The following LSAMP variants were observed in gnomAD, a reference collection of about 807,000 sequenced individuals.
LSAMP encodes limbic system associated membrane protein.
A neutral mutation model predicts 38.6 loss-of-function variants in LSAMP; 7 were observed. The observed-to-expected ratio is 0.18, with a 90% CI of 0.10 to 0.34. The LOEUF (loss-of-function observed/expected upper bound fraction) is 0.34, where lower values mean the gene tolerates loss of function less well. LSAMP is among the 10% of genes least tolerant of loss of function. LSAMP has a pLI of 1.00. For synonymous variants in LSAMP, 154 were observed against 166.8 expected, an observed-to-expected ratio of 0.92 and a Z score of 0.59; for missense variants, 313 against 420.0, an observed-to-expected ratio of 0.75 and a Z score of 2.23.
chr3:116,373,231 A>G (rs1054641291), intron 1 of LSAMP, among the ~76,000 whole-genome samples: 2 of 151,524 alleles, frequency 1.3e-5, no homozygotes, highest in African/African-American at 4.8e-5. Flanking sequence ...ATATATATAT[A>G]TGCACACACA....
At chr3:116,323,752 T>C (rs974741250) in intron 1 of LSAMP, among the ~76,000 whole-genome samples, 2 of 152,132 alleles carry the variant, frequency 1.3e-5, no homozygotes, top group East Asian at 3.9e-4. Context: ...CCTCTAATCA[T>C]GGCCCTCAAA....
At chr3:116,203,404 A>AT (rs1193912843) in intron 1 of LSAMP, among the ~76,000 whole-genome samples, 3 of 149,634 alleles carry the variant, frequency 2.0e-5, no homozygotes, top group South Asian at 2.1e-4. Flanking sequence ...TTTATTTTTT[A>AT]TTTTTTTATT....
intron 2 of LSAMP, among the ~76,000 whole-genome samples, chr3:116,068,817 GAAAC>G (rs1707525038): frequency 6.6e-6 from 1 of 152,174 alleles, no homozygotes; most frequent in Non-Finnish European, 1.5e-5. Context: ...GTTTCAAAGA[GAAAC>G]AATGCACATT....
At chr3:116,278,606 A>ACTT (rs920696566) in intron 1 of LSAMP, among the ~76,000 whole-genome samples, 1 of 152,210 alleles carries the variant, frequency 6.6e-6, no homozygotes, top group African/African-American at 2.4e-5. Flanking sequence ...ACTGAAAGTT[A>ACTT]CTTCCATTGT....
rs183571168 is a variant in LSAMP, at chr3:116,329,003, T to C, written c.155+115874A>G. Reference sequence around the variant, plus strand: ...TGTCATTAAGATGGGTTTATAATTATAAATAATGTAAAACTTTACACAACT... The same window carrying C: ...TGTCATTAAGATGGGTTTATAATTACAAATAATGTAAAACTTTACACAACT... On this transcript the variant is annotated intron_variant, in intron 1 of 6. Coordinates refer to ENST00000490035, the MANE Select transcript of LSAMP (RefSeq NM_002338.5). 3.3e-3 allele frequency among the ~76,000 whole-genome samples: 509 copies of C among 152,254 alleles called. 5 individuals carry two copies. The highest frequency in any genetic ancestry group is 7.5e-3 in the Admixed American group (115 of 15,286).
intron 1 of LSAMP, among the ~76,000 whole-genome samples, chr3:116,090,977 G>C (rs988171063): frequency 1.3e-5 from 2 of 152,050 alleles, no homozygotes. Flanking sequence ...GAGATCAACC[G>C]TCTGACCAAA....
At chr3:115,887,935 T>C (rs537657595) in intron 3 of LSAMP, among the ~76,000 whole-genome samples, 1 of 152,026 alleles carries the variant, frequency 6.6e-6, no homozygotes, top group South Asian at 2.1e-4. Flanking sequence ...TACCATTAAA[T>C]ATAAAATCAA....
At chr3:116,225,899 C>A (rs912661378) in intron 1 of LSAMP, among the ~76,000 whole-genome samples, 2 of 152,032 alleles carry the variant, frequency 1.3e-5, no homozygotes, top group Non-Finnish European at 2.9e-5. Context: ...AATCATCTTC[C>A]AACATCTAAA....
At chr3:116,172,921 C>T (rs530343944) in intron 1 of LSAMP, among the ~76,000 whole-genome samples, 79 of 151,870 alleles carry the variant, frequency 5.2e-4, no homozygotes, top group Non-Finnish European at 9.6e-4. Flanking sequence ...ACAATGGCTA[C>T]TGGGAAAGAG....
intron 1 of LSAMP, among the ~76,000 whole-genome samples, chr3:116,319,834 A>G (rs2047683820): frequency 6.6e-6 from 1 of 150,548 alleles, no homozygotes; most frequent in Admixed American, 6.6e-5. Context: ...TGGAAAGTTT[A>G]GCTCAAAGCA....
At chr3:116,402,976 C>T (rs906121752) in intron 1 of LSAMP, among the ~76,000 whole-genome samples, 1 of 152,120 alleles carries the variant, frequency 6.6e-6, no homozygotes, top group Admixed American at 6.6e-5. Context: ...CTGCCAAATT[C>T]CCTAGGTTTC....
intron 1 of LSAMP, among the ~76,000 whole-genome samples, chr3:116,404,121 A>C (rs528910639): frequency 1.3e-5 from 2 of 152,268 alleles, no homozygotes; most frequent in South Asian, 4.1e-4. Flanking sequence ...CAGAAAATAA[A>C]AACAAATCAT....
intron 1 of LSAMP, among the ~76,000 whole-genome samples, chr3:116,198,815 T>A (rs1489520400): frequency 6.8e-6 from 1 of 147,242 alleles, no homozygotes; most frequent in Admixed American, 6.8e-5. Flanking sequence ...CAGCGGCTCA[T>A]GCCTGTAATC....
intron 1 of LSAMP, among the ~76,000 whole-genome samples, chr3:116,125,230 C>T (rs1446540101): frequency 6.6e-6 from 1 of 152,270 alleles, no homozygotes; most frequent in African/African-American, 2.4e-5. Flanking sequence ...TTAACAAGAA[C>T]AAAATAAGAC....
chr3:116,100,257 T>C lies in LSAMP; in HGVS notation c.156-13701A>G, dbSNP rs78752225. 3.2e-3 allele frequency among the ~76,000 whole-genome samples: 480 copies of C among 152,026 alleles called. 5 individuals carry two copies. Among genetic ancestry groups the C allele is most frequent in the African/African-American group, 0.011 (449 of 41,468 alleles). On this transcript the variant is annotated intron_variant, in intron 1 of 6. Transcript: ENST00000490035. Reference sequence around the variant, plus strand: ...CCACCACACCTGGCTAATTTTTGCATTTTTAGGAGACACGGTTTCAACATG... The same window carrying C: ...CCACCACACCTGGCTAATTTTTGCACTTTTAGGAGACACGGTTTCAACATG...
chr3:116,354,741 G>GTTTT (rs1358177650), intron 1 of LSAMP, among the ~76,000 whole-genome samples: 3 of 152,014 alleles, frequency 2.0e-5, no homozygotes, highest in Admixed American at 6.6e-5. Context: ...TAGACACTGG[G>GTTTT]GTATCATCAA....
In LSAMP at chr3:115,953,404, T is replaced by TACACACACACACACACACAC. The variant is rs71616336; in HGVS notation, c.514+66091_514+66110dup. ...GGGATGAAACAAAATGTAGTGTGCGTACACACACACACACACACACACACA... is the reference window on the plus strand; with the variant it reads ...GGGATGAAACAAAATGTAGTGTGCGTACACACACACACACACACACACACACACACACACACACACACACA... On this transcript the variant is annotated intron_variant, in intron 3 of 6. Transcript: ENST00000490035. Among the ~76,000 whole-genome samples the TACACACACACACACACACAC allele has an allele frequency of 9.2e-3, 1,324 of 143,648 alleles. 7 individuals are homozygous for TACACACACACACACACACAC. The highest frequency in any genetic ancestry group is 0.015 in the East Asian group (68 of 4,514). The allele number at this position is 143,648 out of a possible 152,430, so 94.2% of individuals were successfully genotyped here.
intron 6 of LSAMP, among the ~76,000 whole-genome samples, chr3:115,833,891 G>A (rs1053987854): frequency 1.3e-5 from 2 of 152,040 alleles, no homozygotes; most frequent in Admixed American, 6.6e-5. Context: ...ATAGCCTTAA[G>A]CTAGAAAGTT....
intron 6 of LSAMP, among the ~76,000 whole-genome samples, chr3:115,840,174 C>T (rs1934950754): frequency 6.6e-6 from 1 of 152,110 alleles, no homozygotes; most frequent in South Asian, 2.1e-4. Flanking sequence ...AGAAAATATA[C>T]TTTAATGCAA....
Sources: gnomAD v4.1 joint callset for allele counts (sites outside exome capture counted in the v4.1 genomes callset) on GRCh38, gnomAD v4.1.1 for gene constraint, MANE v1.5 for transcripts, NCBI Gene and HGNC (gene_info 2026-07-23, HGNC 2026-07-21) for gene names.